RBM18: variants seen among roughly 807,000 people sequenced by gnomAD.
RBM18 encodes the protein probable RNA-binding protein 18.
In RBM18, 18 loss-of-function variants were observed where a neutral mutation model predicts 26.4. That is an observed-to-expected ratio of 0.68 (90% CI 0.47 to 1.01). The LOEUF (loss-of-function observed/expected upper bound fraction) is 1.01. Among genes scored for constraint, RBM18 ranks in the 50% least tolerant of loss-of-function variants. The pLI is 0.00. For missense variants in RBM18, 180 were observed against 219.2 expected (o/e 0.82, Z 1.13); for synonymous variants, 74 against 81.1 (o/e 0.91, Z 0.47).
intron 2 of RBM18, among the ~76,000 whole-genome samples, chr9:122,256,899 G>C (rs190654243): frequency 5.9e-5 from 9 of 152,228 alleles, no homozygotes; most frequent in Non-Finnish European, 2.9e-5. Context: ...CTATAGGTAA[G>C]AAATTATTAC....
intron 5 of RBM18, chr9:122,243,832 G>C (rs1831462391): frequency 1.0e-6 from 1 of 984,468 alleles, no homozygotes; most frequent in Non-Finnish European, 1.2e-6. Context: ...CTCTCATTAG[G>C]CATAGATGTT....
chr9:122,247,532 G>C lies in RBM18; in HGVS notation c.313C>G (p.His105Asp), dbSNP rs770263708. The C allele has an allele frequency of 1.6e-5, 26 of 1,613,740 alleles. No homozygotes were observed. The highest frequency in any genetic ancestry group is 1.1e-5 in the Non-Finnish European group (13 of 1,179,878). ...LSKKLVVRWA[H>D]AQVKRYDHNK... ...CTCAGACGTACCTTTACTTGAGCAT[G>C]TGCCCATCGCACCACCAGCTTCTTG... is the stretch of plus-strand genomic sequence containing the variant. Residue 105 changes from histidine (H) to aspartate (D), a missense_variant, in exon 4 of 6, where the codon CAT becomes GAT. This residue lies in a region of RBM18 where 103 missense variants were observed against 102.8 expected (regional missense o/e 1.00). Coordinates refer to ENST00000417201, the MANE Select transcript of RBM18 (RefSeq NM_033117.4).
chr9:122,245,186 C>T (rs918111409), intron 5 of RBM18, 70 bp downstream of exon 5: 25 of 888,780 alleles, frequency 2.8e-5, no homozygotes, highest in Admixed American at 1.0e-4. Context: ...ATTTTATGAA[C>T]GAAGACATGG....
At position 122,241,732 on chromosome 9, in the gene RBM18, T is replaced by C. The variant is rs1292860265; in HGVS notation, c.*152A>G. On this transcript the variant is annotated 3_prime_UTR_variant, in exon 6 of 6. Coordinates refer to ENST00000417201, the MANE Select transcript of RBM18 (RefSeq NM_033117.4). ...CCATACATAGTTTAGGGAAGAAACA[T>C]CCATAAGAACATCCAAAAACATTAT... 3.2e-6 allele frequency: 2 copies of C among 634,524 alleles called. No homozygotes were observed. The highest frequency in any genetic ancestry group is 2.7e-6 in the Non-Finnish European group (1 of 370,272). The allele number at this position is 634,524 out of a possible 1,614,324, so 39.3% of individuals were successfully genotyped here. A position where few individuals can be genotyped will look rare whatever the true frequency, so the allele number is the denominator to read the frequency against.
chr9:122,245,614 C>T (rs7864293), intron 4 of RBM18, among the ~76,000 whole-genome samples: 71,943 of 151,956 alleles, frequency 0.47, 17,924 homozygotes, highest in East Asian at 0.83. Context: ...GGTACAAACA[C>T]ACAGGAGGGT....
chr9:122,261,524 A>ACAT lies in RBM18; in HGVS notation c.-16-19_-16-17dup, dbSNP rs1831796036. On this transcript the variant is annotated splice_polypyrimidine_tract_variant and intron_variant, in intron 1 of 5. Transcript: ENST00000417201. Reference sequence around the variant, plus strand: ...CTATGAAATACTAAAGGAAATGTGAACATTCAGGCAGGAGGGGAGTAACAA... The same window carrying ACAT: ...CTATGAAATACTAAAGGAAATGTGAACATCATTCAGGCAGGAGGGGAGTAACAA... 1 of 1,468,916 alleles carries ACAT rather than the reference A, an allele frequency of 6.8e-7. No individual in the cohort carries two copies. The allele number at this position is 1,468,916 out of a possible 1,614,324, so 91.0% of individuals were successfully genotyped here.
chr9:122,260,977 C>T (rs1271723284), intron 2 of RBM18, among the ~76,000 whole-genome samples: 1 of 152,098 alleles, frequency 6.6e-6, no homozygotes, highest in African/African-American at 2.4e-5. Context: ...ATATGAATTA[C>T]AGTCAAGTGG....
chr9:122,257,157 GCTCCGC>G (rs1384688188), intron 2 of RBM18, among the ~76,000 whole-genome samples: 2 of 152,068 alleles, frequency 1.3e-5, no homozygotes, highest in African/African-American at 4.8e-5. Context: ...CTCACTGCAA[GCTCCGC>G]CTCCCAGGTT....
At chr9:122,259,845 C>T (rs140094693) in intron 2 of RBM18, among the ~76,000 whole-genome samples, 2,431 of 152,124 alleles carry the variant, frequency 0.016, 25 homozygotes, top group Non-Finnish European at 0.028. Context: ...AGGCATGCAC[C>T]ACCATGCCTG....
chr9:122,262,376 A>G (rs1462163899), intron 1 of RBM18, among the ~76,000 whole-genome samples: 1 of 152,112 alleles, frequency 6.6e-6, no homozygotes, highest in Non-Finnish European at 1.5e-5. Flanking sequence ...CACTGAGTTA[A>G]TACACCTAGA....
intron 3 of RBM18, among the ~76,000 whole-genome samples, chr9:122,250,884 TA>T (rs201279903): frequency 0.051 from 7,633 of 149,862 alleles, 316 homozygotes; most frequent in African/African-American, 0.12. Context: ...AATTTTATAA[TA>T]AAAAAACACT....
chr9:122,248,094 A>T (rs962796973), intron 3 of RBM18, among the ~76,000 whole-genome samples: 1 of 152,150 alleles, frequency 6.6e-6, no homozygotes, highest in Non-Finnish European at 1.5e-5. Flanking sequence ...TAAGGGCGTG[A>T]ATTTTTTAAA....
At chr9:122,249,963 G>A (rs11793071) in intron 3 of RBM18, among the ~76,000 whole-genome samples, 14,322 of 150,754 alleles carry the variant, frequency 0.095, 1,356 homozygotes, top group African/African-American at 0.25. Context: ...CCCAGCTACT[G>A]CAGAGGCTGA....
chr9:122,263,219 C>G (rs1304467232), intron 1 of RBM18, among the ~76,000 whole-genome samples: 1 of 152,144 alleles, frequency 6.6e-6, no homozygotes, highest in Non-Finnish European at 1.5e-5. Flanking sequence ...TATTGAATAC[C>G]CTGCACATGA....
At chr9:122,247,774 G>A (rs1831527518) in intron 3 of RBM18, among the ~76,000 whole-genome samples, 170 bp from the exon 4 acceptor site, 1 of 133,972 alleles carries the variant, frequency 7.5e-6, no homozygotes, top group Non-Finnish European at 1.6e-5. Context: ...AAAGGGCATG[G>A]TTTTTTTGTT....
At position 122,238,233 on chromosome 9, in the gene RBM18, T is replaced by G. The variant is rs560041607; in HGVS notation, c.*3651A>C. 6.6e-6 allele frequency: 1 copy of G among 152,378 alleles called. No individual in the cohort carries two copies. The highest frequency in any genetic ancestry group is 2.1e-4 in the South Asian group (1 of 4,830). 9.4% of individuals were successfully genotyped at this position (152,378 alleles called of 1,614,324 possible). On this transcript the variant is annotated 3_prime_UTR_variant, in exon 6 of 6. Coordinates refer to ENST00000417201, the MANE Select transcript of RBM18 (RefSeq NM_033117.4). ...TTATCCAACAAATATTTATTGAGTA[T>G]GTATGATGTACAGCCATTGTTTTAA...
At chr9:122,262,404 T>C (rs556650655) in intron 1 of RBM18, among the ~76,000 whole-genome samples, 36 of 151,742 alleles carry the variant, frequency 2.4e-4, no homozygotes, top group Non-Finnish European at 4.9e-4. Context: ...GAACCGTGCA[T>C]GGCACCTAGG....
chr9:122,260,704 G>T (rs1273451915), intron 2 of RBM18, among the ~76,000 whole-genome samples: 1 of 152,142 alleles, frequency 6.6e-6, no homozygotes, highest in East Asian at 1.9e-4. Flanking sequence ...AACAGGGATG[G>T]CCAAAGAAAG....
At chr9:122,247,735 G>T (rs1588379954) in intron 3 of RBM18, 131 bp from the exon 4 acceptor site, 5 of 647,980 alleles carry the variant, frequency 7.7e-6, no homozygotes, top group African/African-American at 1.8e-5. Flanking sequence ...ACTGGCAAGG[G>T]TTTACAATTT....
Sources: allele counts gnomAD v4.1 joint callset (sites outside exome capture counted in the v4.1 genomes callset), GRCh38; gene constraint gnomAD v4.1.1; regional missense constraint gnomAD v4.1.1; transcripts MANE v1.5; gene names NCBI Gene and HGNC (gene_info 2026-07-23, HGNC 2026-07-21).